The following NME7 variants were observed in gnomAD, a reference collection of about 807,000 sequenced individuals.
The protein encoded by NME7 is nucleoside diphosphate kinase 7.
In NME7, 41 loss-of-function variants were observed where a neutral mutation model predicts 49.1. The observed-to-expected ratio is 0.83, with a 90% CI of 0.65 to 1.08. The LOEUF is 1.08. Ranked by LOEUF, NME7 falls within the 50% of genes least tolerant of loss-of-function variation. The pLI, the probability that NME7 is intolerant of heterozygous loss-of-function variation, is 0.00. For synonymous variants in NME7, 139 were observed against 150.6 expected, an observed-to-expected ratio of 0.92 and a Z score of 0.56; for missense variants, 423 against 463.4, an observed-to-expected ratio of 0.91 and a Z score of 0.80.
At chr1:169,213,795 C>T (rs185336074) in intron 10 of NME7, among the ~76,000 whole-genome samples, 1 of 150,820 alleles carries the variant, frequency 6.6e-6, no homozygotes, top group African/African-American at 2.4e-5. Flanking sequence ...AAACAATAAT[C>T]TTGGGAAAAA....
chr1:169,226,888 A>G (rs1647361915), intron 10 of NME7, among the ~76,000 whole-genome samples: 1 of 152,202 alleles, frequency 6.6e-6, no homozygotes, highest in Non-Finnish European at 1.5e-5. Flanking sequence ...TGAGGAACTT[A>G]TAGACAACTA....
chr1:169,357,292 G>T (rs183656332), intron 1 of NME7, among the ~76,000 whole-genome samples: 1 of 151,980 alleles, frequency 6.6e-6, no homozygotes, highest in East Asian at 1.9e-4. Flanking sequence ...ATCTAGTCTT[G>T]TTCATCTTTG....
At chr1:169,353,898 G>A (rs1217015226) in intron 1 of NME7, among the ~76,000 whole-genome samples, 1 of 152,014 alleles carries the variant, frequency 6.6e-6, no homozygotes, top group Non-Finnish European at 1.5e-5. Flanking sequence ...AGGACAGGCA[G>A]TAACAAATGC....
intron 11 of NME7, among the ~76,000 whole-genome samples, chr1:169,137,294 T>C (rs1658461098): frequency 6.6e-6 from 1 of 152,212 alleles, no homozygotes; most frequent in African/African-American, 2.4e-5. Context: ...TTAATGAATT[T>C]TGAAAAAAAG....
intron 1 of NME7, among the ~76,000 whole-genome samples, chr1:169,332,111 T>A (rs1156359419): frequency 6.6e-6 from 1 of 151,848 alleles, no homozygotes; most frequent in Non-Finnish European, 1.5e-5. Context: ...GGTACTGACA[T>A]AAAAACAGAC....
chr1:169,214,212 A>G (rs1359186275), intron 10 of NME7, among the ~76,000 whole-genome samples: 2 of 152,262 alleles, frequency 1.3e-5, no homozygotes, highest in Non-Finnish European at 2.9e-5. Context: ...GGGAGCTTAT[A>G]TCATGGATTA....
intron 11 of NME7, among the ~76,000 whole-genome samples, chr1:169,153,881 T>G (rs10919078): frequency 0.39 from 58,040 of 150,206 alleles, 11,536 homozygotes; most frequent in East Asian, 0.73. Flanking sequence ...TTTTTTTTTT[T>G]ATTTTTTGTA....
intron 9 of NME7, among the ~76,000 whole-genome samples, chr1:169,233,970 T>A (rs1230922918): frequency 6.6e-6 from 1 of 152,036 alleles, no homozygotes; most frequent in African/African-American, 2.4e-5. Context: ...TCCTTCCTTT[T>A]TTCTTTCTTT....
At chr1:169,164,581 C>T (rs760535268) in intron 11 of NME7, among the ~76,000 whole-genome samples, 1 of 152,162 alleles carries the variant, frequency 6.6e-6, no homozygotes, top group African/African-American at 2.4e-5. Context: ...CTTGGCTACA[C>T]CACTATAGTA....
intron 7 of NME7, among the ~76,000 whole-genome samples, chr1:169,278,933 G>T (rs571535634): frequency 1.3e-5 from 2 of 152,158 alleles, no homozygotes; most frequent in Non-Finnish European, 2.9e-5. Context: ...GTCTGTTGGA[G>T]TTTGCTAGAG....
At chr1:169,135,902 C>T (rs189846534) in intron 11 of NME7, among the ~76,000 whole-genome samples, 1 of 152,072 alleles carries the variant, frequency 6.6e-6, no homozygotes, top group African/African-American at 2.4e-5. Context: ...GCATCCTAGA[C>T]CCTAAGAGAA....
At chr1:169,318,966 A>C (rs544338298) in intron 3 of NME7, among the ~76,000 whole-genome samples, 55 of 152,220 alleles carry the variant, frequency 3.6e-4, no homozygotes, top group Non-Finnish European at 6.0e-4. Flanking sequence ...AACTTAATTT[A>C]TTCCAGTTGG....
chr1:169,349,650 A>AGT (rs1330050405), intron 1 of NME7, among the ~76,000 whole-genome samples: 8 of 152,164 alleles, frequency 5.3e-5, no homozygotes, highest in South Asian at 4.1e-4. Context: ...ATGTCTATTT[A>AGT]GTGTGTGTGT....
chr1:169,281,504 TGA>T lies in NME7; in HGVS notation c.754+5797_754+5798del, dbSNP rs1006920266. Among the ~76,000 whole-genome samples the T allele has an allele frequency of 2.5e-4, 38 of 152,308 alleles. 1 individual carries two copies. Among genetic ancestry groups the T allele is most frequent in the Admixed American group, 7.8e-4 (12 of 15,298 alleles). ...CCAATACTATGTTGAACAGGAGTGGTGAGAGAGGGCATCCTTGTCTTGTGCCG... is the reference window on the plus strand; with the variant it reads ...CCAATACTATGTTGAACAGGAGTGGTGAGAGGGCATCCTTGTCTTGTGCCG... On this transcript the variant is annotated intron_variant, in intron 7 of 11. Coordinates refer to ENST00000367811, the MANE Select transcript of NME7 (RefSeq NM_013330.5).
intron 10 of NME7, among the ~76,000 whole-genome samples, chr1:169,198,321 C>A (rs1660445977): frequency 6.6e-6 from 1 of 152,016 alleles, no homozygotes. Flanking sequence ...AATGATTAAA[C>A]ACAGTTACCA....
Position 169,342,727 on chromosome 1 carries a change from GTATA to G in NME7, c.4-18231_4-18228del, listed in dbSNP as rs1184547373. ...ATATATACAAGTACATATATATATA[GTATA>G]TATATATACAAGTACATATATATAG... On this transcript the variant is annotated intron_variant, in intron 1 of 11. Coordinates refer to ENST00000367811, the MANE Select transcript of NME7 (RefSeq NM_013330.5). Among the ~76,000 whole-genome samples the G allele has an allele frequency of 0.011, 344 of 30,052 alleles. 83 individuals are homozygous for G. The East Asian group carries it at 0.12, about 10-fold the overall frequency. The allele number at this position is 30,052 out of a possible 152,430, so 19.7% of individuals were successfully genotyped here.
At chr1:169,134,200 A>G (rs1410078547) in intron 11 of NME7, among the ~76,000 whole-genome samples, 4 of 152,252 alleles carry the variant, frequency 2.6e-5, no homozygotes, top group Non-Finnish European at 4.4e-5. Context: ...TGAGAGATCT[A>G]TCAGTGAACA....
At chr1:169,331,031 A>T (rs1652237537) in intron 1 of NME7, among the ~76,000 whole-genome samples, 1 of 152,212 alleles carries the variant, frequency 6.6e-6, no homozygotes, top group Admixed American at 6.5e-5. Flanking sequence ...CTACAGGTCA[A>T]TATCTCTGAT....
intron 3 of NME7, among the ~76,000 whole-genome samples, chr1:169,311,114 T>C (rs1651365669): frequency 6.6e-6 from 1 of 152,086 alleles, no homozygotes; most frequent in African/African-American, 2.4e-5. Context: ...CAAACTTAGC[T>C]CAGGATAAAA....
Sources: allele counts gnomAD v4.1 joint callset (sites outside exome capture counted in the v4.1 genomes callset), GRCh38; gene constraint gnomAD v4.1.1; transcripts MANE v1.5; gene names NCBI Gene and HGNC (gene_info 2026-07-23, HGNC 2026-07-21).